RANBP2: variants seen among roughly 807,000 people sequenced by gnomAD.
The protein encoded by RANBP2 is E3 SUMO-protein ligase RanBP2.
RANBP2 carries 57 observed loss-of-function variants against 303.6 expected under a neutral mutation model. The ratio of observed to expected loss-of-function variants is 0.19; its 90% CI spans 0.15 to 0.23. RANBP2 has a LOEUF of 0.23. RANBP2 is among the 10% of genes least tolerant of loss of function. The pLI is 1.00. For synonymous variants in RANBP2, 1,167 were observed against 1,301.5 expected, an observed-to-expected ratio of 0.90 and a Z score of 2.23; for missense variants, 3,138 against 3,780.8, an observed-to-expected ratio of 0.83 and a Z score of 4.46.
the RANBP2 span, among the ~76,000 whole-genome samples, chr2:109,635,292 C>T: frequency 6.6e-6 from 1 of 152,168 alleles, no homozygotes; most frequent in Admixed American, 6.5e-5. Context: ...AAGTAATTCT[C>T]CTGCCTCAGC....
the RANBP2 span, among the ~76,000 whole-genome samples, chr2:108,812,116 TA>T: frequency 6.6e-6 from 1 of 152,038 alleles, no homozygotes; most frequent in South Asian, 2.1e-4. Flanking sequence ...AAAACATTAT[TA>T]AAAGAAAATA....
the RANBP2 span, among the ~76,000 whole-genome samples, chr2:109,582,234 T>C: frequency 6.6e-6 from 1 of 152,136 alleles, no homozygotes; most frequent in Non-Finnish European, 1.5e-5. Context: ...GAAAAAATGC[T>C]CATGGAATCA....
At chr2:109,613,172 A>G in the RANBP2 span, 1 of 1,288,892 alleles carries the variant, frequency 7.8e-7, no homozygotes, top group Non-Finnish European at 1.0e-6. Context: ...AAATAGTTGT[A>G]ACCACACTTG....
chr2:109,123,158 A>C, the RANBP2 span, among the ~76,000 whole-genome samples: 1 of 152,102 alleles, frequency 6.6e-6, no homozygotes, highest in Non-Finnish European at 1.5e-5. Context: ...CCATCCTCAG[A>C]GTGCAGGTAT....
At position 108,753,552 on chromosome 2, in the gene RANBP2, A is replaced by T. The variant is rs779081389; in HGVS notation, c.2044A>T (p.Asn682Tyr). Residue 682 changes from asparagine to tyrosine, a missense_variant, in exon 14 of 29, where the codon AAT (asparagine) becomes TAT (tyrosine). By Grantham distance (143) the Asn-to-Tyr change is moderately radical (BLOSUM62 -2). This residue lies in a region of RANBP2 where 194 missense variants were observed against 197.4 expected (regional missense o/e 0.98). Transcript: ENST00000283195. The stretch of plus-strand genomic sequence containing the variant: ...TATAAAAAGTGTTGTTTCTTATTGG[A>T]ATCTTGCACTGGTAAGTAGATGCAG... ...ESIKSVVSYW[N>Y]LALIFHRKAE... is the part of the protein sequence containing the mutation. The T allele has an allele frequency of 1.2e-6, 2 of 1,611,616 alleles. No individual in the cohort carries two copies. Among genetic ancestry groups the T allele is most frequent in the East Asian group, 4.5e-5 (2 of 44,854 alleles).
At chr2:109,673,599 C>T in the RANBP2 span, among the ~76,000 whole-genome samples, 2 of 152,196 alleles carry the variant, frequency 1.3e-5, no homozygotes. Context: ...TGCAGTGGCT[C>T]ATGCCTGTAG....
the RANBP2 span, among the ~76,000 whole-genome samples, chr2:109,450,766 G>T: frequency 6.6e-6 from 1 of 152,198 alleles, no homozygotes; most frequent in Non-Finnish European, 1.5e-5. Context: ...CTAGGGCGTT[G>T]GGCTGGGTGC....
the RANBP2 span, among the ~76,000 whole-genome samples, chr2:109,758,413 A>G: frequency 7.5e-6 from 1 of 134,090 alleles, no homozygotes; most frequent in Non-Finnish European, 1.6e-5. Context: ...ATCTCAAAAA[A>G]AAAAAAAAAA....
chr2:109,049,217 G>C, the RANBP2 span, among the ~76,000 whole-genome samples: 1 of 152,166 alleles, frequency 6.6e-6, no homozygotes. Flanking sequence ...TTCATCCTCC[G>C]CTGGGTCCTG....
At chr2:108,819,881 T>A in the RANBP2 span, among the ~76,000 whole-genome samples, 1 of 152,106 alleles carries the variant, frequency 6.6e-6, no homozygotes, top group African/African-American at 2.4e-5. Flanking sequence ...CTTTGTGATA[T>A]ATGATTTAAA....
At chr2:109,685,054 G>C in the RANBP2 span, among the ~76,000 whole-genome samples, 2 of 149,314 alleles carry the variant, frequency 1.3e-5, no homozygotes, top group South Asian at 4.3e-4. Context: ...TTGTATTTTT[G>C]TAGAGACAGG....
At chr2:108,833,894 ATTTT>A in the RANBP2 span, among the ~76,000 whole-genome samples, 3 of 79,218 alleles carry the variant, frequency 3.8e-5, no homozygotes, top group African/African-American at 1.5e-4. Flanking sequence ...CGCCCGGCTA[ATTTT>A]TTTTTTTTTT....
chr2:109,319,781 G>C, the RANBP2 span, among the ~76,000 whole-genome samples: 1 of 152,190 alleles, frequency 6.6e-6, no homozygotes, highest in Non-Finnish European at 1.5e-5. Flanking sequence ...TCCCTTCACT[G>C]CCCAGTCCAA....
chr2:109,066,976 A>G, the RANBP2 span, among the ~76,000 whole-genome samples: 2 of 152,174 alleles, frequency 1.3e-5, no homozygotes, highest in African/African-American at 4.8e-5. Context: ...AAAGCGCACA[A>G]GACGCAGACA....
the RANBP2 span, among the ~76,000 whole-genome samples, chr2:109,598,910 T>G: frequency 6.6e-6 from 1 of 151,876 alleles, no homozygotes; most frequent in Non-Finnish European, 1.5e-5. Context: ...AAAAAATTAT[T>G]ATCTGGGCCT....
chr2:109,565,799 C>A, the RANBP2 span: 1 of 1,613,956 alleles, frequency 6.2e-7, no homozygotes, highest in Non-Finnish European at 8.5e-7. Context: ...CGAGCTTTGA[C>A]CATCTTGTTT....
chr2:108,791,522 C>T, the RANBP2 span: 17 of 845,994 alleles, frequency 2.0e-5, no homozygotes, highest in Middle Eastern at 3.5e-4. Context: ...TTAGTTTTTA[C>T]GTTTTTTCTT....
At chr2:108,763,146 T>G in intron 19 of RANBP2, 91 bp from the exon 20 acceptor site, 1 of 1,361,652 alleles carries the variant, frequency 7.3e-7, no homozygotes, top group Non-Finnish European at 1.0e-6. Context: ...CACTTCATAT[T>G]CATGTTTGAA....
the RANBP2 span, among the ~76,000 whole-genome samples, chr2:108,913,624 A>G: frequency 2.6e-5 from 4 of 152,048 alleles, no homozygotes; most frequent in African/African-American, 9.6e-5. Flanking sequence ...TTATACATAT[A>G]AATATTGTTG....
Sources: allele counts gnomAD v4.1 joint callset (sites outside exome capture counted in the v4.1 genomes callset), GRCh38; gene constraint gnomAD v4.1.1; regional missense constraint gnomAD v4.1.1; transcripts MANE v1.5; gene names NCBI Gene and HGNC (gene_info 2026-07-23, HGNC 2026-07-21).